The following FRMD1 variants were observed in gnomAD, a reference collection of about 807,000 sequenced individuals.
The protein encoded by FRMD1 is FERM domain-containing protein 1.
In FRMD1, 51 loss-of-function variants were observed where a neutral mutation model predicts 54.9. That is an observed-to-expected ratio of 0.93 (90% confidence interval 0.74 to 1.17). The LOEUF (loss-of-function observed/expected upper bound fraction) is 1.17, where lower values mean the gene tolerates loss of function less well. Ranked by LOEUF, FRMD1 falls within the 50% of genes most tolerant of loss-of-function variation. The probability of loss-of-function intolerance (pLI) is 0.00; values close to 1 mark genes in which losing one functional copy is unlikely to be tolerated. For synonymous variants in FRMD1, 324 were observed against 306.4 expected, an observed-to-expected ratio of 1.06 and a Z score of -0.60; for missense variants, 729 against 743.0, an observed-to-expected ratio of 0.98 and a Z score of 0.22.
chr6:168,086,104 C>A (rs1800913449), upstream of FRMD1, among the ~76,000 whole-genome samples: 1 of 152,280 alleles, frequency 6.6e-6, no homozygotes, highest in Non-Finnish European at 1.5e-5. Flanking sequence ...CACCCCATCC[C>A]CAGCAGGGAC....
chr6:168,058,056 T>G (rs1054153536), intron 10 of FRMD1, among the ~76,000 whole-genome samples: 8 of 152,256 alleles, frequency 5.3e-5, no homozygotes, highest in African/African-American at 7.2e-5. Context: ...CTCCACTGAG[T>G]GGGCTGACCT....
rs1242857716 is a variant in FRMD1, at chr6:168,057,098, T to C, written c.1649A>G (p.Ter550TrpextTer47). The part of the protein sequence containing the change: ...GEAPPQEFVV[*>W] ...ACGGTACTGCTGGGTGGGTGGTGCC[T>C]ACACCACAAACTCCTGTGGTGGAGC... Residue 550 changes from the stop codon to tryptophan, a stop_lost, in exon 11 of 11, where the codon TAG (stop) becomes TGG (tryptophan). Transcript: ENST00000283309. 2.0e-6 allele frequency: 3 copies of C among 1,475,198 alleles called. No individual in the cohort carries two copies. Among genetic ancestry groups the C allele is most frequent in the Non-Finnish European group, 9.0e-7 (1 of 1,109,296 alleles). 91.4% of individuals were successfully genotyped at this position (1,475,198 alleles called of 1,614,324 possible). A position where few individuals can be genotyped will look rare whatever the true frequency, so the allele number is the denominator to read the frequency against.
rs764755596 is a variant in FRMD1, at chr6:168,075,273, C to A, written c.276G>T (p.Ala92=). 1.1e-5 allele frequency: 18 copies of A among 1,613,644 alleles called. No homozygotes were observed. The Admixed American group carries it at 2.5e-4, about 22-fold the overall frequency. ...TGACCACACAGAGGCCAAAGAACTG[C>A]GCGTCTCTGATGCTCGCCACGTTGC... ...QVCNVASIRD[A]QFFGLCVVRN... is the part of the protein sequence containing the mutation. The change falls in exon 2 of 11, where the codon GCG becomes GCT. Residue 92 remains alanine, a synonymous_variant. Transcript: ENST00000283309.
intron 2 of FRMD1, among the ~76,000 whole-genome samples, chr6:168,070,039 C>G (rs1056557138): frequency 2.0e-5 from 3 of 152,054 alleles, no homozygotes; most frequent in African/African-American, 7.2e-5. Context: ...GCCTGGGCAA[C>G]ATAATGAGAC....
intron 5 of FRMD1, 115 bp from the exon 6 acceptor site, chr6:168,063,871 G>A: frequency 8.0e-7 from 1 of 1,247,130 alleles, no homozygotes; most frequent in Non-Finnish European, 1.1e-6. Context: ...CAACCTCGGT[G>A]GGCAGGGCCA....
rs1341239516 is a variant in FRMD1, at chr6:168,054,524, C to G, written c.*2573G>C. The stretch of plus-strand genomic sequence containing the variant: ...CCTCATGCCACCTGAAGGCCACAAG[C>G]CCCCCTGTACACAGCGGCTTCTGCT... On this transcript the variant is annotated 3_prime_UTR_variant, in exon 11 of 11. Coordinates refer to ENST00000283309, the MANE Select transcript of FRMD1 (RefSeq NM_024919.6). 6.7e-6 allele frequency: 1 copy of G among 149,120 alleles called. No individual in the cohort carries two copies. The highest frequency in any genetic ancestry group is 2.5e-5 in the African/African-American group (1 of 40,170). The allele number at this position is 149,120 out of a possible 1,614,324, so 9.2% of individuals were successfully genotyped here. A position where few individuals can be genotyped will look rare whatever the true frequency, so the allele number is the denominator to read the frequency against.
chr6:168,063,787 C>T (rs759576374), intron 5 of FRMD1, 31 bp from the exon 6 acceptor site: 1 of 1,580,000 alleles, frequency 6.3e-7, no homozygotes, highest in Non-Finnish European at 8.6e-7. Flanking sequence ...TCAGCTCAGA[C>T]CCCTGCTGGT....
upstream of FRMD1, among the ~76,000 whole-genome samples, chr6:168,084,660 C>T (rs192174062): frequency 2.6e-5 from 4 of 152,346 alleles, no homozygotes; most frequent in African/African-American, 9.6e-5. Flanking sequence ...TCCGTGAGAG[C>T]GCCTGCAGCC....
At chr6:168,080,503 T>G (rs1212299057), upstream of FRMD1, among the ~76,000 whole-genome samples, 1 of 152,048 alleles carries the variant, frequency 6.6e-6, no homozygotes, top group East Asian at 1.9e-4. Context: ...CTCATGGCCC[T>G]GTGCCACTGG....
At chr6:168,061,628 C>T (rs1313306485) in intron 8 of FRMD1, among the ~76,000 whole-genome samples, 179 bp downstream of exon 8, 1 of 152,254 alleles carries the variant, frequency 6.6e-6, no homozygotes, top group Non-Finnish European at 1.5e-5. Flanking sequence ...GAATTCCACT[C>T]CAGGCAGAGC....
chr6:168,084,049 C>T (rs1428846662), upstream of FRMD1, among the ~76,000 whole-genome samples: 2 of 152,164 alleles, frequency 1.3e-5, no homozygotes, highest in African/African-American at 4.8e-5. Flanking sequence ...GGAAGAATAG[C>T]CTGCAGCTTC....
upstream of FRMD1, among the ~76,000 whole-genome samples, chr6:168,080,874 G>T (rs1277116653): frequency 6.6e-6 from 1 of 151,538 alleles, no homozygotes; most frequent in Admixed American, 6.6e-5. Flanking sequence ...TGCGGGTGCT[G>T]GTGTGTGTGG....
At chr6:168,074,884 C>T (rs111161647) in intron 2 of FRMD1, among the ~76,000 whole-genome samples, 93 of 51,146 alleles carry the variant, frequency 1.8e-3, no homozygotes, top group Middle Eastern at 0.042. Context: ...GTCAGTGGTG[C>T]GTAACTGTGT....
intron 2 of FRMD1, among the ~76,000 whole-genome samples, chr6:168,070,041 T>A (rs1464709719): frequency 6.6e-6 from 1 of 151,904 alleles, no homozygotes; most frequent in African/African-American, 2.4e-5. Context: ...CTGGGCAACA[T>A]AATGAGACCC....
At chr6:168,057,776 C>T (rs189383682) in intron 10 of FRMD1, 33 of 177,726 alleles carry the variant, frequency 1.9e-4, no homozygotes, top group Admixed American at 1.6e-3. Flanking sequence ...GGGCGGCCAG[C>T]GGGCAGCGTC....
rs1799571050 is a variant in FRMD1, at chr6:168,059,043, C to A, written c.1407+81G>T. ...ACCCTCTGATAGGCCTAGGAAGGTC[C>A]CCAGGGCCCCTGACAGGGGACCTAG... On this transcript the variant is annotated intron_variant, in intron 10 of 10. Transcript: ENST00000283309. The surrounding 1 kb of genome is among the most constrained non-coding windows in gnomAD (Gnocchi z 4.4). The A allele has an allele frequency of 8.6e-7, 1 of 1,167,480 alleles. No homozygotes were observed. The highest frequency in any genetic ancestry group is 2.1e-5 in the Admixed American group (1 of 48,722). The allele number at this position is 1,167,480 out of a possible 1,614,324, so 72.3% of individuals were successfully genotyped here. A position where few individuals can be genotyped will look rare whatever the true frequency, so the allele number is the denominator to read the frequency against.
rs1799694118 is a variant in FRMD1, at chr6:168,060,948, G to A, written c.1155C>T (p.Leu385=). The A allele has an allele frequency of 8.1e-6, 13 of 1,613,566 alleles. No homozygotes were observed. Among genetic ancestry groups the A allele is most frequent in the African/African-American group, 1.3e-5 (1 of 75,060 alleles). ...GVSSQHCPHC[L]SRHSADSHGS... ...CGTGGCTGTCGGCGGAGTGGCGTGA[G>A]AGGCAGTGGGGGCAGTGCTGGCTGC... Residue 385 remains leucine, a synonymous_variant, in exon 9 of 11, where the codon CTC becomes CTT. Coordinates refer to ENST00000283309, the MANE Select transcript of FRMD1 (RefSeq NM_024919.6).
rs946368622 is a variant in FRMD1, at chr6:168,055,396, GATGTGTGC to G, written c.*1693_*1700del. ...GCATGTATGTGTGTGCATGCATGTG[GATGTGTGC>G]ATGTGTGCATGTAGGTCTTGGCTCA... On this transcript the variant is annotated 3_prime_UTR_variant, in exon 11 of 11. Coordinates refer to ENST00000283309, the MANE Select transcript of FRMD1 (RefSeq NM_024919.6). 3.9e-5 allele frequency: 6 copies of G among 152,670 alleles called. No homozygotes were observed. The highest frequency in any genetic ancestry group is 1.4e-4 in the African/African-American group (6 of 41,432). The allele number at this position is 152,670 out of a possible 1,614,324, so 9.5% of individuals were successfully genotyped here. A position where few individuals can be genotyped will look rare whatever the true frequency, so the allele number is the denominator to read the frequency against.
intron 1 of FRMD1, among the ~76,000 whole-genome samples, chr6:168,088,632 C>T (rs1340957778): frequency 2.6e-5 from 4 of 152,180 alleles, no homozygotes; most frequent in Non-Finnish European, 5.9e-5. Flanking sequence ...GAGGCTCAGG[C>T]AGGGTCAGCT....
Sources: gnomAD v4.1 joint callset for allele counts (sites outside exome capture counted in the v4.1 genomes callset) on GRCh38, gnomAD v4.1.1 for gene constraint, Gnocchi (gnomAD v3.1) non-coding constraint, MANE v1.5 for transcripts, NCBI Gene and HGNC (gene_info 2026-07-23, HGNC 2026-07-21) for gene names.